Variants in HTT observed in about 807,000 individuals in gnomAD.
The protein encoded by HTT is huntingtin.
Under a neutral mutation model 362.3 loss-of-function variants are expected in HTT, and 104 were observed. That is an observed-to-expected ratio of 0.29 (90% CI 0.24 to 0.34). The LOEUF (loss-of-function observed/expected upper bound fraction) is 0.34. Ranked by LOEUF, HTT falls within the 10% of genes least tolerant of loss-of-function variation. HTT has a pLI of 1.00. For synonymous variants in HTT, 1,577 were observed against 1,548.7 expected (o/e 1.02, Z -0.43); for missense variants, 3,301 against 3,928.6 (o/e 0.84, Z 4.27).
At chr4:3,087,089 A>T in intron 2 of HTT, 67 bp downstream of exon 2, 3 of 814,272 alleles carry the variant, frequency 3.7e-6, no homozygotes, top group Non-Finnish European at 6.1e-6. Context: ...AATGGGCTAG[A>T]ATATTCTTTG....
chr4:3,074,819 G>A lies in HTT; in HGVS notation c.-7G>A. ...CCGGGGACTGCCGTGCCGGGCGGGAGACCGCCATGGCGACCCTGGAAAAGC... is the reference window on the plus strand; with the variant it reads ...CCGGGGACTGCCGTGCCGGGCGGGAAACCGCCATGGCGACCCTGGAAAAGC... On this transcript the variant is annotated 5_prime_UTR_variant, in exon 1 of 67. Transcript: ENST00000355072. 6.6e-7 allele frequency: 1 copy of A among 1,513,058 alleles called. No individual in the cohort carries two copies. Among genetic ancestry groups the A allele is most frequent in the Non-Finnish European group, 8.8e-7 (1 of 1,136,374 alleles). 93.7% of individuals were successfully genotyped at this position (1,513,058 alleles called of 1,614,324 possible).
chr4:3,120,431 C>T (rs1298474403), intron 8 of HTT, among the ~76,000 whole-genome samples: 1 of 152,112 alleles, frequency 6.6e-6, no homozygotes, highest in East Asian at 1.9e-4. Context: ...GTCCCCAACC[C>T]CCAGGCTGCA....
At chr4:3,077,985 T>A (rs1273160361) in intron 1 of HTT, among the ~76,000 whole-genome samples, 1 of 152,214 alleles carries the variant, frequency 6.6e-6, no homozygotes, top group Admixed American at 6.5e-5. Context: ...CTGTTCTGTT[T>A]TTATGGCTCT....
chr4:3,229,440 C>T (rs1389496776), intron 59 of HTT, among the ~76,000 whole-genome samples: 3 of 150,844 alleles, frequency 2.0e-5, no homozygotes, highest in Non-Finnish European at 4.4e-5. Context: ...CACACACATG[C>T]ACCACACACA....
chr4:3,116,704 G>T (rs1054012525), intron 8 of HTT, among the ~76,000 whole-genome samples: 8 of 152,204 alleles, frequency 5.3e-5, no homozygotes, highest in African/African-American at 1.9e-4. Context: ...CTCACTCAAG[G>T]AGATAGGGAC....
chr4:3,210,361 G>A (rs758670715), intron 47 of HTT, among the ~76,000 whole-genome samples: 22 of 152,200 alleles, frequency 1.4e-4, no homozygotes, highest in Non-Finnish European at 7.3e-5. Flanking sequence ...CGTATTTGCC[G>A]TAGACTTCAA....
rs760440086 is a variant in HTT, at chr4:3,132,707, T to G, written c.2382T>G (p.Ile794Met). 36 of 1,614,106 alleles carry G rather than the reference T, an allele frequency of 2.2e-5. No individual in the cohort carries two copies. Among genetic ancestry groups the G allele is most frequent in the Non-Finnish European group, 2.8e-5 (33 of 1,180,026 alleles). The change falls in exon 17 of 67, where the codon ATT (isoleucine) becomes ATG (methionine). Residue 794 changes from isoleucine (I) to methionine (M), a missense_variant. Physicochemically the swap from Ile to Met is conservative, Grantham distance 10. This residue lies in a region of HTT where 2,316 missense variants were observed against 2,658.5 expected (regional missense o/e 0.87). Coordinates refer to ENST00000355072, the MANE Select transcript of HTT (RefSeq NM_001388492.1). ...ACGTGGGAGATTGGATGGGCACCATTAGAACCCTCACAGGTAACGGCCAGT... is the reference window on the plus strand; with the variant it reads ...ACGTGGGAGATTGGATGGGCACCATGAGAACCCTCACAGGTAACGGCCAGT... ...RFHVGDWMGT[I>M]RTLTGNTFSL...
In HTT at chr4:3,174,822, T is replaced by C. The variant is rs747987687; in HGVS notation, c.4245+23T>C. On this transcript the variant is annotated intron_variant, in intron 32 of 66. Coordinates refer to ENST00000355072, the MANE Select transcript of HTT (RefSeq NM_001388492.1). ...AAGGTAAATGGTGCCGTTTGTGGCA[T>C]GTGAACTCAGGCGTGTCAGTGCTAG... 16 of 1,610,272 alleles carry C rather than the reference T, an allele frequency of 9.9e-6. No individual in the cohort carries two copies. In the South Asian group the frequency reaches 1.1e-4, roughly 11 times the overall value.
At position 3,139,487 on chromosome 4, in the gene HTT, C is replaced by T. The variant is rs1199494349; in HGVS notation, c.2799-1023C>T. On this transcript the variant is annotated intron_variant, in intron 21 of 66. Coordinates refer to ENST00000355072, the MANE Select transcript of HTT (RefSeq NM_001388492.1). ...TGCTGGGATTACAGGCGTGAGCCAC[C>T]GTACCCAGCCAGTAGTTACTTCTTA... 2.6e-5 allele frequency among the ~76,000 whole-genome samples: 4 copies of T among 152,150 alleles called. No individual in the cohort carries two copies. The South Asian group carries it at 6.2e-4, about 24-fold the overall frequency.
intron 1 of HTT, among the ~76,000 whole-genome samples, chr4:3,080,848 A>G (rs1034799640): frequency 2.0e-5 from 3 of 152,248 alleles, no homozygotes; most frequent in Non-Finnish European, 4.4e-5. Context: ...TGAAGAGACT[A>G]TTCTTTCCCC....
At chr4:3,141,279 A>C (rs1716332538) in intron 22 of HTT, among the ~76,000 whole-genome samples, 1 of 152,222 alleles carries the variant, frequency 6.6e-6, no homozygotes, top group African/African-American at 2.4e-5. Context: ...TGTTATTTTA[A>C]AAATTGGCTT....
chr4:3,112,186 G>A (rs551603074), intron 6 of HTT, among the ~76,000 whole-genome samples: 9 of 152,266 alleles, frequency 5.9e-5, no homozygotes, highest in Middle Eastern at 3.4e-3. Flanking sequence ...TCAATCCAGC[G>A]TGTTGGATTA....
chr4:3,105,449 C>T lies in HTT; in HGVS notation c.608+13C>T, dbSNP rs1264729952. 1 of 1,587,464 alleles carries T rather than the reference C, an allele frequency of 6.3e-7. No individual in the cohort carries two copies. The highest frequency in any genetic ancestry group is 1.3e-5 in the African/African-American group (1 of 74,404). On this transcript the variant is annotated intron_variant, in intron 5 of 66. Coordinates refer to ENST00000355072, the MANE Select transcript of HTT (RefSeq NM_001388492.1). Reference sequence around the variant, plus strand: ...CTCAGAAATGCAGGTAAGTTGTACACTCTGGATGTTGGTTTTTGTCGGGGG... The same window carrying T: ...CTCAGAAATGCAGGTAAGTTGTACATTCTGGATGTTGGTTTTTGTCGGGGG...
In HTT at chr4:3,131,662, G is replaced by C; in HGVS notation, c.2123G>C (p.Arg708Thr). 1 of 1,613,936 alleles carries C rather than the reference G, an allele frequency of 6.2e-7. No individual in the cohort carries two copies. The highest frequency in any genetic ancestry group is 8.5e-7 in the Non-Finnish European group (1 of 1,179,996). The change falls in exon 16 of 67, where the codon AGG becomes ACG. Residue 708 changes from arginine (R) to threonine (T), a missense_variant. Transcript: ENST00000355072. Reference sequence around the variant, plus strand: ...GTGCTGGTTCCGGACAGGGATGTGAGGGTCAGCGTGAAGGCCCTGGCCCTC... The same window carrying C: ...GTGCTGGTTCCGGACAGGGATGTGACGGTCAGCGTGAAGGCCCTGGCCCTC... ...KNVLVPDRDV[R>T]VSVKALALSC...
intron 2 of HTT, among the ~76,000 whole-genome samples, chr4:3,093,122 T>C (rs1713605608): frequency 6.6e-6 from 1 of 152,148 alleles, no homozygotes; most frequent in Non-Finnish European, 1.5e-5. Flanking sequence ...TACCCTGTCA[T>C]GTGTGTAGCT....
At chr4:3,101,489 G>T (rs1257153195) in intron 3 of HTT, among the ~76,000 whole-genome samples, 2 of 152,250 alleles carry the variant, frequency 1.3e-5, no homozygotes, top group Admixed American at 6.5e-5. Flanking sequence ...TGCTCTCACT[G>T]TGGCAGAGTA....
In HTT at chr4:3,074,801, C is replaced by G; in HGVS notation, c.-25C>G. The G allele has an allele frequency of 6.6e-7, 1 of 1,511,008 alleles. No individual in the cohort carries two copies. The highest frequency in any genetic ancestry group is 8.8e-7 in the Non-Finnish European group (1 of 1,135,784). 93.6% of individuals were successfully genotyped at this position (1,511,008 alleles called of 1,614,324 possible). On this transcript the variant is annotated 5_prime_UTR_variant, in exon 1 of 67. Transcript: ENST00000355072. ...CGAGTCGGCCCGAGGCCTCCGGGGA[C>G]TGCCGTGCCGGGCGGGAGACCGCCA...
At chr4:3,174,895 T>C in intron 32 of HTT, 51 bp from the exon 33 acceptor site, 1 of 1,552,526 alleles carries the variant, frequency 6.4e-7, no homozygotes. Context: ...TTGAAGCTTT[T>C]AGTTGAAGGC....
At chr4:3,173,732 A>G (rs1030721264) in intron 31 of HTT, among the ~76,000 whole-genome samples, 12 of 150,772 alleles carry the variant, frequency 8.0e-5, no homozygotes, top group Admixed American at 6.6e-5. Context: ...GCAGTGGTGC[A>G]ATCTCAGCTC....
Sources: allele counts gnomAD v4.1 joint callset (sites outside exome capture counted in the v4.1 genomes callset), GRCh38; gene constraint gnomAD v4.1.1; regional missense constraint gnomAD v4.1.1; transcripts MANE v1.5; gene names NCBI Gene and HGNC (gene_info 2026-07-23, HGNC 2026-07-21).